Variants in ITK observed in about 807,000 individuals in gnomAD.
ITK encodes tyrosine-protein kinase ITK/TSK.
ITK carries 45 observed loss-of-function variants against 87.6 expected under a neutral mutation model. The observed-to-expected ratio is 0.51, with a 90% confidence interval of 0.40 to 0.66. The LOEUF (loss-of-function observed/expected upper bound fraction) is 0.66, where lower values mean the gene tolerates loss of function less well. Among genes scored for constraint, ITK ranks in the 30% least tolerant of loss-of-function variants. The pLI, the probability that ITK is intolerant of heterozygous loss-of-function variation, is 0.00. For missense variants in ITK, 605 were observed against 766.3 expected (o/e 0.79, Z 2.48); for synonymous variants, 303 against 273.6 (o/e 1.11, Z -1.06).
chr5:157,242,499 T>C (rs1320829595), intron 11 of ITK, among the ~76,000 whole-genome samples: 1 of 152,198 alleles, frequency 6.6e-6, no homozygotes, highest in Non-Finnish European at 1.5e-5. Context: ...TTTTCTGGCA[T>C]GATCTCCCTC....
intron 2 of ITK, among the ~76,000 whole-genome samples, chr5:157,210,849 A>G (rs540462152): frequency 6.6e-6 from 1 of 152,100 alleles, no homozygotes; most frequent in South Asian, 2.1e-4. Context: ...AAAAGTACAC[A>G]GGAACTCTGT....
Position 157,243,471 on chromosome 5 carries a change from T to C in ITK, c.1061-152T>C. On this transcript the variant is annotated intron_variant, in intron 11 of 16. Coordinates refer to ENST00000422843, the MANE Select transcript of ITK (RefSeq NM_005546.4). ...TCATAGTTTTCTAGCATATCCTATGTTATTATGTGGGAAAAAGATAATTTA... is the reference window on the plus strand; with the variant it reads ...TCATAGTTTTCTAGCATATCCTATGCTATTATGTGGGAAAAAGATAATTTA... 6.8e-6 allele frequency: 5 copies of C among 729,996 alleles called. No homozygotes were observed. The South Asian group carries it at 7.4e-5, about 11-fold the overall frequency. The allele number at this position is 729,996 out of a possible 1,614,324, so 45.2% of individuals were successfully genotyped here.
intron 16 of ITK, 120 bp downstream of exon 16, chr5:157,249,127 G>T (rs1755089143): frequency 1.2e-6 from 1 of 848,792 alleles, no homozygotes. Flanking sequence ...ATATAGATTA[G>T]CAACAACATG....
At position 157,191,162 on chromosome 5, in the gene ITK, C is replaced by T. The variant is rs191911082; in HGVS notation, c.138+10047C>T. Reference sequence around the variant, plus strand: ...TTATTTTATTTTTTTATTTTTGAGACGGAGTCTCACTCTGTCACCCAGGCT... The same window carrying T: ...TTATTTTATTTTTTTATTTTTGAGATGGAGTCTCACTCTGTCACCCAGGCT... On this transcript the variant is annotated intron_variant, in intron 1 of 16. Coordinates refer to ENST00000422843, the MANE Select transcript of ITK (RefSeq NM_005546.4). 1.5e-3 allele frequency among the ~76,000 whole-genome samples: 234 copies of T among 151,848 alleles called. 1 individual carries two copies. Among genetic ancestry groups the T allele is most frequent in the African/African-American group, 5.3e-3 (218 of 41,388 alleles).
At position 157,240,155 on chromosome 5, in the gene ITK, C is replaced by T; in HGVS notation, c.945C>T (p.Ser315=). 6.2e-7 allele frequency: 1 copy of T among 1,614,100 alleles called. No homozygotes were observed. Among genetic ancestry groups the T allele is most frequent in the African/African-American group, 1.3e-5 (1 of 75,040 alleles). Residue 315 remains serine, a synonymous_variant, in exon 10 of 17, where the codon TCC becomes TCT. Coordinates refer to ENST00000422843, the MANE Select transcript of ITK (RefSeq NM_005546.4). ...TGGCTGAAAAGTATGTGTTCGATTC[C>T]ATCCCTCTTCTCATCAACTATCACC... is the stretch of plus-strand genomic sequence containing the variant. The part of the protein sequence containing the change: ...YYVAEKYVFD[S]IPLLINYHQH...
intron 16 of ITK, among the ~76,000 whole-genome samples, chr5:157,249,261 G>T (rs978666092): frequency 6.6e-6 from 1 of 152,244 alleles, no homozygotes; most frequent in Non-Finnish European, 1.5e-5. Context: ...GAGGAGGATG[G>T]GGTGTGGCCT....
Position 157,214,314 on chromosome 5 carries a change from A to G in ITK, c.449A>G (p.Lys150Arg). 1 of 1,613,378 alleles carries G rather than the reference A, an allele frequency of 6.2e-7. No individual in the cohort carries two copies. Among genetic ancestry groups the G allele is most frequent in the East Asian group, 2.2e-5 (1 of 44,874 alleles). ...ATGCAQYDPT[K>R]NASKKPLPPT... ...GGCTGTGCCCAATATGATCCAACCA[A>G]GAATGGTAAGAGACTGGGAATTCCC... Residue 150 changes from lysine (K) to arginine (R), a missense_variant, in exon 4 of 17, where the codon AAG becomes AGG. Physicochemically the swap from Lys to Arg is conservative, Grantham distance 26. This residue lies in a region of ITK where 464 missense variants were observed against 578.0 expected (regional missense o/e 0.80). Transcript: ENST00000422843.
Position 157,211,298 on chromosome 5 carries a change from CA to C in ITK, c.257del (p.Asn86ThrfsTer179). 1 of 1,613,960 alleles carries C rather than the reference CA, an allele frequency of 6.2e-7. No homozygotes were observed. ...GTGTGTGTCTCCAGGTGGTGCATGA[CA>C]ACTACCTCCTATATGTGTTTGCTCC... Reference protein sequence around the residue: ...YKYPFQVVHDNYLLYVFAPDR... With the variant: ...YKYPFQVVHDXYLLYVFAPDR... On this transcript the variant is annotated frameshift_variant, in exon 3 of 17. Coordinates refer to ENST00000422843, the MANE Select transcript of ITK (RefSeq NM_005546.4). LOFTEE classifies it high-confidence loss of function.
intron 7 of ITK, 56 bp from the exon 8 acceptor site, chr5:157,232,284 G>A (rs1255097841): frequency 8.3e-7 from 1 of 1,200,038 alleles, no homozygotes; most frequent in African/African-American, 1.5e-5. Context: ...TCTTTTATAA[G>A]TAAATAATGA....
At chr5:157,187,128 C>A (rs189336929) in intron 1 of ITK, among the ~76,000 whole-genome samples, 28 of 152,358 alleles carry the variant, frequency 1.8e-4, no homozygotes, top group Admixed American at 1.8e-3. Flanking sequence ...TCCTTGATGT[C>A]CCTAGACTAA....
At chr5:157,235,197 A>C (rs996591651) in intron 8 of ITK, among the ~76,000 whole-genome samples, 9 of 152,194 alleles carry the variant, frequency 5.9e-5, no homozygotes, top group African/African-American at 2.2e-4. Flanking sequence ...CATAAGCATC[A>C]CTGCAGGAGC....
At chr5:157,252,558 A>AT (rs538672691) in intron 16 of ITK, 49 bp from the exon 17 acceptor site, 1,603 of 1,399,268 alleles carry the variant, frequency 1.1e-3, no homozygotes, top group Non-Finnish European at 1.5e-3. Flanking sequence ...GGATTTACCT[A>AT]TGACGCATAA....
At chr5:157,251,042 C>A (rs1307960342) in intron 16 of ITK, among the ~76,000 whole-genome samples, 1 of 152,136 alleles carries the variant, frequency 6.6e-6, no homozygotes, top group Non-Finnish European at 1.5e-5. Context: ...TGGGTAAATG[C>A]CTAAGAGTAT....
chr5:157,210,623 C>T lies in ITK; in HGVS notation c.244-664C>T, dbSNP rs1051386079. Among the ~76,000 whole-genome samples, 12 of 150,014 alleles carry T rather than the reference C, an allele frequency of 8.0e-5. 1 individual carries two copies. Among genetic ancestry groups the T allele is most frequent in the Admixed American group, 2.7e-4 (4 of 15,078 alleles). ...GTTAGTTACATATGTATACATGTGC[C>T]GTGCTGGTGCGCTGCACCCACTAAC... On this transcript the variant is annotated intron_variant, in intron 2 of 16. Coordinates refer to ENST00000422843, the MANE Select transcript of ITK (RefSeq NM_005546.4).
At chr5:157,205,028 T>C (rs534199031) in intron 1 of ITK, among the ~76,000 whole-genome samples, 1 of 152,274 alleles carries the variant, frequency 6.6e-6, no homozygotes, top group South Asian at 2.1e-4. Context: ...ATGTAATGGG[T>C]CCCTGGATAT....
chr5:157,250,274 A>T (rs576024641), intron 16 of ITK, among the ~76,000 whole-genome samples: 32 of 152,274 alleles, frequency 2.1e-4, no homozygotes, highest in African/African-American at 7.2e-4. Flanking sequence ...CTGTCTTCAT[A>T]GTTTTGCCTT....
chr5:157,227,159 T>C (rs1754548745), intron 6 of ITK, among the ~76,000 whole-genome samples: 1 of 152,158 alleles, frequency 6.6e-6, no homozygotes, highest in African/African-American at 2.4e-5. Context: ...GTATGGAGTA[T>C]CTACTTAAAC....
At chr5:157,238,426 C>T (rs1416290376) in intron 9 of ITK, among the ~76,000 whole-genome samples, 1 of 152,120 alleles carries the variant, frequency 6.6e-6, no homozygotes, top group African/African-American at 2.4e-5. Context: ...ATTAGCATCT[C>T]CAATTTTAGA....
rs200508398 is a variant in ITK at position 157,248,942 on chromosome 5, C to T, written c.1726C>T (p.Arg576Trp). The change falls in exon 16 of 17, where the codon CGG becomes TGG. Residue 576 changes from arginine (R) to tryptophan (W), a missense_variant. This residue lies in a region of ITK where 71 missense variants were observed against 65.8 expected (regional missense o/e 1.08). Transcript: ENST00000422843. ...EVVEDISTGF[R>W]LYKPRLASTH... is the part of the protein sequence containing the mutation. ...GGTGGAAGACATCAGTACCGGATTT[C>T]GGTTGTACAAGCCCCGGCTGGCCTC... The T allele has an allele frequency of 1.9e-6, 3 of 1,613,872 alleles. No homozygotes were observed. Among genetic ancestry groups the T allele is most frequent in the Non-Finnish European group, 1.7e-6 (2 of 1,179,814 alleles).
Sources: gnomAD v4.1 joint callset for allele counts (sites outside exome capture counted in the v4.1 genomes callset) on GRCh38, gnomAD v4.1.1 for gene constraint, gnomAD v4.1.1 regional missense constraint, MANE v1.5 for transcripts, NCBI Gene and HGNC (gene_info 2026-07-23, HGNC 2026-07-21) for gene names.